The following METTL9 variants were observed in gnomAD, a reference collection of about 807,000 sequenced individuals.
METTL9 encodes the protein methyltransferase 9, His-X-His N1(pi)-histidine.
A neutral mutation model predicts 36.0 loss-of-function variants in METTL9; 10 were observed. That is an observed-to-expected ratio of 0.28 (90% CI 0.17 to 0.47). METTL9 has a LOEUF of 0.47. METTL9 is among the 20% of genes least tolerant of loss of function. The probability of loss-of-function intolerance (pLI) is 0.99; values close to 1 mark genes in which losing one functional copy is unlikely to be tolerated. For missense variants in METTL9, 246 were observed against 383.5 expected, an observed-to-expected ratio of 0.64 and a Z score of 3.00; for synonymous variants, 175 against 149.7, an observed-to-expected ratio of 1.17 and a Z score of -1.23.
At chr16:21,627,737 A>C (rs138292154) in intron 4 of METTL9, among the ~76,000 whole-genome samples, 59 of 152,306 alleles carry the variant, frequency 3.9e-4, no homozygotes, top group African/African-American at 1.3e-3. Context: ...TCATGAGGTC[A>C]GGAGATCGAG....
At chr16:21,636,022 T>C (rs7184972) in intron 4 of METTL9, among the ~76,000 whole-genome samples, 133,388 of 152,062 alleles carry the variant, frequency 0.88, 58,900 homozygotes, top group African/African-American at 0.97. Context: ...CCTTTACTGA[T>C]GCATTCTCAA....
At chr16:21,643,557 G>T (rs1333892235) in intron 4 of METTL9, 1 of 1,602,906 alleles carries the variant, frequency 6.2e-7, no homozygotes, top group Non-Finnish European at 8.5e-7. Context: ...CCTTTTGTGA[G>T]TCTTCTTTTA....
intron 4 of METTL9, among the ~76,000 whole-genome samples, chr16:21,628,952 C>T (rs796318696): frequency 3.4e-5 from 5 of 148,636 alleles, no homozygotes; most frequent in African/African-American, 7.5e-5. Context: ...TGTGGTGGCA[C>T]GATCTTGGCT....
chr16:21,597,786 T>C (rs1964982852), upstream of METTL9, among the ~76,000 whole-genome samples: 1 of 152,184 alleles, frequency 6.6e-6, no homozygotes, highest in Non-Finnish European at 1.5e-5. Context: ...AGAGGTGTCA[T>C]AGTAAATAAA....
At chr16:21,639,636 G>A (rs1229473585) in intron 4 of METTL9, 1 of 151,978 alleles carries the variant, frequency 6.6e-6, no homozygotes, top group East Asian at 1.9e-4. Flanking sequence ...TTGTGTATAA[G>A]GTACAAAGGT....
At chr16:21,601,201 A>G (rs2152892030) in intron 1 of METTL9, among the ~76,000 whole-genome samples, 1 of 152,270 alleles carries the variant, frequency 6.6e-6, no homozygotes, top group Admixed American at 6.5e-5. Flanking sequence ...ATGTATGTAA[A>G]CTTAAATTGC....
chr16:21,641,387 C>T (rs1250159962), intron 4 of METTL9: 2 of 471,448 alleles, frequency 4.2e-6, no homozygotes, highest in Non-Finnish European at 7.6e-6. Context: ...GTTATAGTTT[C>T]CTTACATTCT....
chr16:21,620,710 A>C (rs1377881773), intron 3 of METTL9, among the ~76,000 whole-genome samples: 1 of 152,250 alleles, frequency 6.6e-6, no homozygotes, highest in Non-Finnish European at 1.5e-5. Flanking sequence ...TGGGAAATTC[A>C]TACTGATTGG....
chr16:21,633,383 T>C (rs1486707629), intron 4 of METTL9, among the ~76,000 whole-genome samples: 1 of 152,300 alleles, frequency 6.6e-6, no homozygotes, highest in Non-Finnish European at 1.5e-5. Context: ...TACTGAAGGA[T>C]CAGAGTGTCT....
chr16:21,622,973 A>T (rs1207782117), intron 3 of METTL9, among the ~76,000 whole-genome samples: 1 of 152,198 alleles, frequency 6.6e-6, no homozygotes, highest in Non-Finnish European at 1.5e-5. Flanking sequence ...TGCTTAGCTA[A>T]GGCGTTAATA....
At chr16:21,647,078 T>G in intron 4 of METTL9, 1 of 1,612,194 alleles carries the variant, frequency 6.2e-7, no homozygotes, top group Non-Finnish European at 8.5e-7. Flanking sequence ...GGTAATGATT[T>G]TACAGGCCTG....
chr16:21,646,736 C>T, intron 4 of METTL9: 1 of 294,824 alleles, frequency 3.4e-6, no homozygotes, highest in Non-Finnish European at 6.7e-6. Flanking sequence ...TTCACTGCAA[C>T]CTTCGCCTCC....
intron 1 of METTL9, among the ~76,000 whole-genome samples, chr16:21,606,219 C>T (rs1965283314): frequency 6.6e-6 from 1 of 152,006 alleles, no homozygotes; most frequent in Non-Finnish European, 1.5e-5. Context: ...TGCCTGTAAT[C>T]CCAGCTACTG....
rs116898131 is a variant in METTL9, at chr16:21,635,828, G to A, written c.751+10713G>A. Among the ~76,000 whole-genome samples the A allele has an allele frequency of 8.9e-3, 1,358 of 152,140 alleles. 47 individuals carry two copies. Among genetic ancestry groups the A allele is most frequent in the East Asian group, 0.083 (429 of 5,166 alleles). On this transcript the variant is annotated intron_variant, in intron 4 of 4. Transcript: ENST00000358154. The stretch of plus-strand genomic sequence containing the variant: ...TGCCCAAGAACCTGCAGCAGTCCCC[G>A]GACCCTGCTAATTGGAATAGTTGCG...
chr16:21,608,494 C>G (rs1474875716), intron 1 of METTL9, among the ~76,000 whole-genome samples: 1 of 152,098 alleles, frequency 6.6e-6, no homozygotes, highest in African/African-American at 2.4e-5. Context: ...CAGCTGGAGT[C>G]CCTAGACCAT....
At chr16:21,623,915 C>T (rs1965762208) in intron 3 of METTL9, among the ~76,000 whole-genome samples, 1 of 152,052 alleles carries the variant, frequency 6.6e-6, no homozygotes, top group African/African-American at 2.4e-5. Flanking sequence ...GGATTACAGG[C>T]ACGCGCCACC....
At chr16:21,640,596 C>CAAAAAAAAAAA (rs368761095) in intron 4 of METTL9, 1 of 65,576 alleles carries the variant, frequency 1.5e-5, no homozygotes, top group Non-Finnish European at 3.3e-5. Context: ...ACTAAAAATA[C>CAAAAAAAAAAA]AAAAAAAAAA....
At position 21,605,257 on chromosome 16, in the gene METTL9, C is replaced by CTTTTTTTTTTTTTTTTTTTTTTTTT. The variant is rs3046231; in HGVS notation, c.165+5374_165+5398dup. Among the ~76,000 whole-genome samples, 13 of 51,234 alleles carry CTTTTTTTTTTTTTTTTTTTTTTTTT rather than the reference C, an allele frequency of 2.5e-4. 3 individuals are homozygous for CTTTTTTTTTTTTTTTTTTTTTTTTT. Among genetic ancestry groups the CTTTTTTTTTTTTTTTTTTTTTTTTT allele is most frequent in the Non-Finnish European group, 4.6e-4 (12 of 25,854 alleles). The allele number at this position is 51,234 out of a possible 152,430, so 33.6% of individuals were successfully genotyped here. Reference sequence around the variant, plus strand: ...GGGGTGGTAAAAATAGGCTTGCCTTCTTTTTTTTTTTTTTTTTTTTTTTTT... The same window carrying CTTTTTTTTTTTTTTTTTTTTTTTTT: ...GGGGTGGTAAAAATAGGCTTGCCTTCTTTTTTTTTTTTTTTTTTTTTTTTTTTTTTTTTTTTTTTTTTTTTTTTTT... On this transcript the variant is annotated intron_variant, in intron 1 of 4. Coordinates refer to ENST00000358154, the MANE Select transcript of METTL9 (RefSeq NM_016025.5).
rs1319687537 is a variant in METTL9, at chr16:21,599,770, G to T, written c.37G>T (p.Ala13Ser). 2.6e-6 allele frequency: 4 copies of T among 1,542,846 alleles called. No homozygotes were observed. Among genetic ancestry groups the T allele is most frequent in the Non-Finnish European group, 3.5e-6 (4 of 1,152,100 alleles). ...GGCGGGCTGGCTGTGCCTGAGCCTG[G>T]CGTCCGTGTGGCTGGCGCGGAGGAT... ...LLAGWLCLSL[A>S]SVWLARRMWT... The change falls in exon 1 of 5, where the codon GCG becomes TCG. Residue 13 changes from alanine to serine, a missense_variant. Ala to Ser is a moderately conservative substitution (Grantham distance 99). This residue lies in a region of METTL9 where 100 missense variants were observed against 81.4 expected (regional missense o/e 1.23). Coordinates refer to ENST00000358154, the MANE Select transcript of METTL9 (RefSeq NM_016025.5). The surrounding 1 kb of genome is among the most constrained non-coding windows in gnomAD (Gnocchi z 4.4).
Sources: gnomAD v4.1 joint callset for allele counts (sites outside exome capture counted in the v4.1 genomes callset) on GRCh38, gnomAD v4.1.1 for gene constraint, gnomAD v4.1.1 regional missense constraint, Gnocchi (gnomAD v3.1) non-coding constraint, MANE v1.5 for transcripts, NCBI Gene and HGNC (gene_info 2026-07-23, HGNC 2026-07-21) for gene names.